The following AGBL4 variants were observed in gnomAD, a reference collection of about 807,000 sequenced individuals.
The protein encoded by AGBL4 is cytosolic carboxypeptidase 6.
Under a neutral mutation model 66.4 loss-of-function variants are expected in AGBL4, and 58 were observed. The ratio of observed to expected loss-of-function variants is 0.87; its 90% CI spans 0.71 to 1.09. The LOEUF is 1.09. Among genes scored for constraint, AGBL4 ranks in the 50% least tolerant of loss-of-function variants. The pLI is 0.00. For missense variants in AGBL4, 579 were observed against 631.0 expected (o/e 0.92, Z 0.88); for synonymous variants, 234 against 222.9 (o/e 1.05, Z -0.44).
At chr1:49,493,726 T>G (rs1647278475) in intron 3 of AGBL4, among the ~76,000 whole-genome samples, 1 of 152,140 alleles carries the variant, frequency 6.6e-6, no homozygotes, top group East Asian at 1.9e-4. Flanking sequence ...TTCCCAAATC[T>G]TAGTCACTGG....
At chr1:48,950,021 A>C (rs183784106) in intron 5 of AGBL4, among the ~76,000 whole-genome samples, 1 of 152,292 alleles carries the variant, frequency 6.6e-6, no homozygotes, top group Non-Finnish European at 1.5e-5. Context: ...ATATTATAAC[A>C]ATCTACTATT....
At chr1:49,846,782 C>T (rs959456929) in intron 2 of AGBL4, among the ~76,000 whole-genome samples, 8 of 152,042 alleles carry the variant, frequency 5.3e-5, no homozygotes, top group African/African-American at 1.9e-4. Flanking sequence ...ATATAGATGA[C>T]ATAAACACAT....
At chr1:49,249,797 T>C (rs1169022719) in intron 3 of AGBL4, among the ~76,000 whole-genome samples, 1 of 152,186 alleles carries the variant, frequency 6.6e-6, no homozygotes, top group Non-Finnish European at 1.5e-5. Flanking sequence ...TTATTCACAA[T>C]AGTCAGGATA....
chr1:49,741,198 A>C (rs576409861), intron 2 of AGBL4, among the ~76,000 whole-genome samples: 34 of 152,352 alleles, frequency 2.2e-4, no homozygotes, highest in South Asian at 1.2e-3. Flanking sequence ...AATAGATGCA[A>C]TAAAAAATGA....
chr1:49,514,426 A>G (rs1649573376), intron 3 of AGBL4, among the ~76,000 whole-genome samples: 1 of 152,066 alleles, frequency 6.6e-6, no homozygotes, highest in African/African-American at 2.4e-5. Context: ...GCTCATGGGT[A>G]GGAAGAATCA....
chr1:49,247,643 T>G (rs1181875137), intron 3 of AGBL4, among the ~76,000 whole-genome samples: 1 of 152,110 alleles, frequency 6.6e-6, no homozygotes, highest in Non-Finnish European at 1.5e-5. Context: ...GAAGCCATAC[T>G]GCACTTTCAG....
intron 5 of AGBL4, among the ~76,000 whole-genome samples, chr1:48,884,977 TTAAA>T (rs1297636113): frequency 7.0e-5 from 1 of 14,208 alleles, no homozygotes; most frequent in African/African-American, 1.0e-4. Context: ...AGAGGCAGAT[TTAAA>T]AAAAAAAAAA....
At chr1:49,932,087 C>G (rs1472297305) in intron 1 of AGBL4, among the ~76,000 whole-genome samples, 2 of 152,064 alleles carry the variant, frequency 1.3e-5, no homozygotes, top group African/African-American at 4.8e-5. Flanking sequence ...AATCCAAAAT[C>G]TAAAACATTT....
At chr1:48,735,403 A>AG (rs559092013) in intron 6 of AGBL4, among the ~76,000 whole-genome samples, 11 of 151,706 alleles carry the variant, frequency 7.3e-5, no homozygotes, top group Non-Finnish European at 1.5e-4. Context: ...GGTGGGAGAG[A>AG]GGGAGGAAAG....
intron 4 of AGBL4, among the ~76,000 whole-genome samples, chr1:49,208,417 C>A (rs766948382): frequency 2.6e-5 from 4 of 152,072 alleles, no homozygotes; most frequent in Non-Finnish European, 5.9e-5. Context: ...ACTCCCCAAC[C>A]TATCACCTCC....
At chr1:48,706,770 A>G (rs1344419053) in intron 6 of AGBL4, among the ~76,000 whole-genome samples, 2 of 152,286 alleles carry the variant, frequency 1.3e-5, no homozygotes, top group African/African-American at 4.8e-5. Flanking sequence ...GAGTGCATTA[A>G]TAAATGAAGT....
intron 3 of AGBL4, among the ~76,000 whole-genome samples, chr1:49,528,089 G>A (rs1469181805): frequency 6.6e-6 from 1 of 152,078 alleles, no homozygotes; most frequent in Non-Finnish European, 1.5e-5. Flanking sequence ...GAGATGCTGA[G>A]GAAGTATGAC....
intron 6 of AGBL4, among the ~76,000 whole-genome samples, chr1:48,849,515 A>T (rs1646986727): frequency 6.6e-6 from 1 of 152,230 alleles, no homozygotes; most frequent in African/African-American, 2.4e-5. Flanking sequence ...GCACCAGTCC[A>T]TGGATGACAC....
At chr1:49,536,555 C>T (rs1228646752) in intron 3 of AGBL4, among the ~76,000 whole-genome samples, 1 of 151,970 alleles carries the variant, frequency 6.6e-6, no homozygotes, top group Non-Finnish European at 1.5e-5. Flanking sequence ...GAAAAAACAA[C>T]CCTAAAATTC....
At chr1:48,682,418 T>C (rs1196694632) in intron 6 of AGBL4, among the ~76,000 whole-genome samples, 3 of 151,962 alleles carry the variant, frequency 2.0e-5, no homozygotes, top group Non-Finnish European at 1.5e-5. Flanking sequence ...CTCTTTTTTT[T>C]TTTTTTTTGA....
Position 49,480,060 on chromosome 1 carries a change from C to G in AGBL4, c.282+217253G>C, listed in dbSNP as rs140471570. On this transcript the variant is annotated intron_variant, in intron 3 of 13. Transcript: ENST00000371839. ...ATGGGCATTTGGGTTGATGCCATGT[C>G]TTTGCTCTTGTGAATAGTGCTACAA... Among the ~76,000 whole-genome samples, 339 of 152,030 alleles carry G rather than the reference C, an allele frequency of 2.2e-3. 5 individuals carry two copies. Among genetic ancestry groups the G allele is most frequent in the African/African-American group, 7.9e-3 (326 of 41,514 alleles).
At chr1:49,246,780 A>G (rs1387742720) in intron 3 of AGBL4, among the ~76,000 whole-genome samples, 1 of 152,056 alleles carries the variant, frequency 6.6e-6, no homozygotes, top group Non-Finnish European at 1.5e-5. Flanking sequence ...CTACGGGTAG[A>G]GCAGCCAGAA....
At chr1:49,426,219 T>C (rs1364128202) in intron 3 of AGBL4, among the ~76,000 whole-genome samples, 2 of 152,094 alleles carry the variant, frequency 1.3e-5, no homozygotes, top group African/African-American at 4.8e-5. Context: ...AAGAAATGAG[T>C]AGTGATAAAA....
chr1:49,173,962 T>C (rs1216494958), intron 4 of AGBL4, among the ~76,000 whole-genome samples: 1 of 152,140 alleles, frequency 6.6e-6, no homozygotes, highest in South Asian at 2.1e-4. Flanking sequence ...ACTAAGCATA[T>C]GATTTGTCAA....
Sources: gnomAD v4.1 joint callset for allele counts (sites outside exome capture counted in the v4.1 genomes callset) on GRCh38, gnomAD v4.1.1 for gene constraint, MANE v1.5 for transcripts, NCBI Gene and HGNC (gene_info 2026-07-23, HGNC 2026-07-21) for gene names.